Variants in LEMD2 observed in about 807,000 individuals in gnomAD.
LEMD2 encodes LEM domain-containing protein 2.
LEMD2 carries 34 observed loss-of-function variants against 58.8 expected under a neutral mutation model. The observed-to-expected ratio is 0.58, with a 90% confidence interval of 0.44 to 0.77. The LOEUF (loss-of-function observed/expected upper bound fraction) is 0.77. LEMD2 is among the 30% of genes least tolerant of loss of function. LEMD2 has a pLI of 0.00. For missense variants in LEMD2, 629 were observed against 717.9 expected, an observed-to-expected ratio of 0.88 and a Z score of 1.42; for synonymous variants, 298 against 308.9, an observed-to-expected ratio of 0.96 and a Z score of 0.37.
In LEMD2 at chr6:33,772,465, C is replaced by T. The variant is rs760683463; in HGVS notation, c.*163G>A. On this transcript the variant is annotated 3_prime_UTR_variant, in exon 9 of 9. Transcript: ENST00000293760. The stretch of plus-strand genomic sequence containing the variant: ...AGGAAGCCCACATTTTCCTGCGAGC[C>T]GAACTCCTCTGAAGAGTATGGCAGA... 3.3e-5 allele frequency: 20 copies of T among 613,890 alleles called. No individual in the cohort carries two copies. Among genetic ancestry groups the T allele is most frequent in the Non-Finnish European group, 4.9e-5 (18 of 369,428 alleles). 38.0% of individuals were successfully genotyped at this position (613,890 alleles called of 1,614,324 possible). A position where few individuals can be genotyped will look rare whatever the true frequency, so the allele number is the denominator to read the frequency against.
rs1767301167 is a variant in LEMD2 at position 33,771,788 on chromosome 6, G to A, written c.*840C>T. On this transcript the variant is annotated 3_prime_UTR_variant, in exon 9 of 9. Transcript: ENST00000293760. Reference sequence around the variant, plus strand: ...TGTTAAACAGCCCCGCGTCGGGGCTGTGGTCACAGTAAAGCAAGGCGATCT... The same window carrying A: ...TGTTAAACAGCCCCGCGTCGGGGCTATGGTCACAGTAAAGCAAGGCGATCT... The A allele has an allele frequency of 6.6e-6, 1 of 152,242 alleles. No individual in the cohort carries two copies. The highest frequency in any genetic ancestry group is 2.4e-5 in the African/African-American group (1 of 41,476). The allele number at this position is 152,242 out of a possible 1,614,324, so 9.4% of individuals were successfully genotyped here.
rs1393541009 is a variant in LEMD2, at chr6:33,771,877, G to A, written c.*751C>T. On this transcript the variant is annotated 3_prime_UTR_variant, in exon 9 of 9. Transcript: ENST00000293760. ...GGGCTCCCAAGCTCCCGGAATCGGCGTTCTGGCTGCAGGCCTGGTCTAGAG... is the reference window on the plus strand; with the variant it reads ...GGGCTCCCAAGCTCCCGGAATCGGCATTCTGGCTGCAGGCCTGGTCTAGAG... 6.6e-6 allele frequency: 1 copy of A among 152,362 alleles called. No homozygotes were observed. Among genetic ancestry groups the A allele is most frequent in the East Asian group, 1.9e-4 (1 of 5,190 alleles). 9.4% of individuals were successfully genotyped at this position (152,362 alleles called of 1,614,324 possible). A position where few individuals can be genotyped will look rare whatever the true frequency, so the allele number is the denominator to read the frequency against.
Position 33,771,943 on chromosome 6 carries a change from CGCCCTGGGGCT to C in LEMD2, c.*674_*684del, listed in dbSNP as rs1767306313. 1 of 76,316 alleles carries C rather than the reference CGCCCTGGGGCT, an allele frequency of 1.3e-5. No individual in the cohort carries two copies. Among genetic ancestry groups the C allele is most frequent in the East Asian group, 1.9e-3 (1 of 534 alleles). 4.7% of individuals were successfully genotyped at this position (76,316 alleles called of 1,614,324 possible). A position where few individuals can be genotyped will look rare whatever the true frequency, so the allele number is the denominator to read the frequency against. ...GAAGCAACACTGAGGCGGGCCCGCCCGCCCTGGGGCTGCCCGACCCTCCTCTCTGCTCTCAG... is the reference window on the plus strand; with the variant it reads ...GAAGCAACACTGAGGCGGGCCCGCCCGCCCGACCCTCCTCTCTGCTCTCAG... On this transcript the variant is annotated 3_prime_UTR_variant, in exon 9 of 9. Transcript: ENST00000293760.
intron 4 of LEMD2, chr6:33,780,419 G>A (rs970129359): frequency 3.2e-5 from 17 of 530,380 alleles, no homozygotes; most frequent in South Asian, 2.0e-4. Context: ...GGTCTGAGGC[G>A]GCCAAAAGAA....
In LEMD2 at chr6:33,788,829, C is replaced by T. The variant is rs940462644; in HGVS notation, c.288G>A (p.Ser96=). 4.2e-6 allele frequency: 6 copies of T among 1,425,538 alleles called. No homozygotes were observed. In the East Asian group the frequency reaches 1.8e-4, roughly 44 times the overall value. 88.3% of individuals were successfully genotyped at this position (1,425,538 alleles called of 1,614,324 possible). The change falls in exon 1 of 9, where the codon TCG becomes TCA. Residue 96 remains serine, a synonymous_variant. Coordinates refer to ENST00000293760, the MANE Select transcript of LEMD2 (RefSeq NM_181336.4). Reference sequence around the variant, plus strand: ...CGTAGGCCCCAGGGGTCGCGTAGGCCGAGCCCGAGGCCGGCTGGGAGAGCC... The same window carrying T: ...CGTAGGCCCCAGGGGTCGCGTAGGCTGAGCCCGAGGCCGGCTGGGAGAGCC... ...EPWLSQPASG[S]AYATPGAYGD... is the part of the protein sequence containing the mutation.
intron 8 of LEMD2, 128 bp downstream of exon 8, chr6:33,776,826 C>T: frequency 8.2e-6 from 6 of 731,570 alleles, no homozygotes; most frequent in Non-Finnish European, 1.2e-5. Flanking sequence ...AGCAGAGCCA[C>T]TCTTGGCCCT....
At chr6:33,773,594 C>CG (rs10660361) in intron 8 of LEMD2, among the ~76,000 whole-genome samples, 30,336 of 139,102 alleles carry the variant, frequency 0.22, 3,287 homozygotes, top group Admixed American at 0.29. Flanking sequence ...AGTCAGGAGG[C>CG]GGGGGGGGGG....
At chr6:33,788,317 CG>C (rs906000034) in intron 1 of LEMD2, 63 bp downstream of exon 1, 21 of 1,467,350 alleles carry the variant, frequency 1.4e-5, no homozygotes, top group East Asian at 5.4e-5. Flanking sequence ...CCGACAGGAA[CG>C]GGGGGTCCTC....
chr6:33,788,853 C>T lies in LEMD2; in HGVS notation c.264G>A (p.Trp88Ter). ...PAAASPRAEP[W>*]LSQPASGSAY... ...CCGAGCCCGAGGCCGGCTGGGAGAG[C>T]CAGGGCTCCGCCCGCGGAGAGGCCG... Residue 88 changes from tryptophan to a stop codon, truncating the protein, a stop_gained, in exon 1 of 9, where the codon TGG becomes TGA. Coordinates refer to ENST00000293760, the MANE Select transcript of LEMD2 (RefSeq NM_181336.4). LOFTEE classifies it high-confidence loss of function. 1.4e-6 allele frequency: 2 copies of T among 1,392,054 alleles called. No individual in the cohort carries two copies. Among genetic ancestry groups the T allele is most frequent in the Non-Finnish European group, 1.9e-6 (2 of 1,079,574 alleles). The allele number at this position is 1,392,054 out of a possible 1,614,324, so 86.2% of individuals were successfully genotyped here. A position where few individuals can be genotyped will look rare whatever the true frequency, so the allele number is the denominator to read the frequency against.
chr6:33,780,437 C>T, intron 4 of LEMD2: 1 of 507,936 alleles, frequency 2.0e-6, no homozygotes, highest in African/African-American at 1.9e-5. Context: ...GAATATGATT[C>T]TCTCGAGGAT....
At chr6:33,784,477 G>GGCCCCCCC in intron 2 of LEMD2, 50 bp from the exon 3 acceptor site, 1 of 430,806 alleles carries the variant, frequency 2.3e-6, no homozygotes, top group Non-Finnish European at 4.8e-6. Flanking sequence ...GGTGGGAGGG[G>GGCCCCCCC]TCCGTCTGTC....
Position 33,777,231 on chromosome 6 carries a change from A to G in LEMD2, c.1165T>C (p.Phe389Leu). 1.2e-6 allele frequency: 2 copies of G among 1,613,210 alleles called. No homozygotes were observed. Among genetic ancestry groups the G allele is most frequent in the East Asian group, 4.5e-5 (2 of 44,874 alleles). The change falls in exon 7 of 9, where the codon TTT (phenylalanine) becomes CTT (leucine). Residue 389 changes from phenylalanine to leucine, a missense_variant. Phe to Leu is a conservative substitution (Grantham distance 22). Transcript: ENST00000293760. Reference sequence around the variant, plus strand: ...AGGAGAATTAGGAGCCCCCACAAAAAAGCCAAGCCTGTGAGGGAACAAAAC... The same window carrying G: ...AGGAGAATTAGGAGCCCCCACAAAAGAGCCAAGCCTGTGAGGGAACAAAAC... Reference protein sequence around the residue: ...NVLIFFWCLAFLWGLLILLKY... With the variant: ...NVLIFFWCLALLWGLLILLKY...
Position 33,788,409 on chromosome 6 carries a change from G to A in LEMD2, c.708C>T (p.Pro236=), listed in dbSNP as rs1424231739. 6.3e-7 allele frequency: 1 copy of A among 1,584,514 alleles called. No homozygotes were observed. The highest frequency in any genetic ancestry group is 2.3e-5 in the East Asian group (1 of 43,090). The change falls in exon 1 of 9, where the codon CCC becomes CCT. Residue 236 remains proline, a synonymous_variant. Coordinates refer to ENST00000293760, the MANE Select transcript of LEMD2 (RefSeq NM_181336.4). ...TGTCCTCCGCCTCCTGCGGCGCTGA[G>A]GGCTTGCCCATCTTCACCCAAAGGA... ...LGILWVKMGK[P]SAPQEAEDNM...
chr6:33,780,372 G>A, intron 4 of LEMD2, 193 bp from the exon 5 acceptor site: 1 of 615,010 alleles, frequency 1.6e-6, no homozygotes, highest in South Asian at 1.8e-5. Context: ...TATAACCAGA[G>A]GAGGTGATGC....
In LEMD2 at chr6:33,778,980, CCTT is replaced by C. The variant is rs1767503070; in HGVS notation, c.1011-596_1011-594del. ...ACCTGCAGAGGTGGGGACACCAGAG[CCTT>C]CTTCCAGCTAGGTGACCCAGGGCGA... is the stretch of plus-strand genomic sequence containing the variant. On this transcript the variant is annotated intron_variant, in intron 5 of 8. Transcript: ENST00000293760. This position sits in a 1 kb window ranked among gnomAD's most constrained non-coding sequence, Gnocchi z 4.7. 1 of 152,198 alleles carries C rather than the reference CCTT, an allele frequency of 6.6e-6. No individual in the cohort carries two copies. The highest frequency in any genetic ancestry group is 2.4e-5 in the African/African-American group (1 of 41,422). The allele number at this position is 152,198 out of a possible 1,614,324, so 9.4% of individuals were successfully genotyped here.
Position 33,771,786 on chromosome 6 carries a change from C to A in LEMD2, c.*842G>T, listed in dbSNP as rs887470739. 1 of 152,246 alleles carries A rather than the reference C, an allele frequency of 6.6e-6. No homozygotes were observed. Among genetic ancestry groups the A allele is most frequent in the African/African-American group, 2.4e-5 (1 of 41,476 alleles). The allele number at this position is 152,246 out of a possible 1,614,324, so 9.4% of individuals were successfully genotyped here. ...CTTGTTAAACAGCCCCGCGTCGGGGCTGTGGTCACAGTAAAGCAAGGCGAT... is the reference window on the plus strand; with the variant it reads ...CTTGTTAAACAGCCCCGCGTCGGGGATGTGGTCACAGTAAAGCAAGGCGAT... On this transcript the variant is annotated 3_prime_UTR_variant, in exon 9 of 9. Coordinates refer to ENST00000293760, the MANE Select transcript of LEMD2 (RefSeq NM_181336.4).
intron 2 of LEMD2, chr6:33,784,772 C>T (rs573286275): frequency 1.2e-4 from 24 of 208,308 alleles, no homozygotes; most frequent in African/African-American, 5.2e-4. Context: ...ATGATGCAGT[C>T]GCTCAGCTTC....
At position 33,788,881 on chromosome 6, in the gene LEMD2, G is replaced by A. The variant is rs1767753450; in HGVS notation, c.236C>T (p.Ala79Val). The change falls in exon 1 of 9, where the codon GCC becomes GTC. Residue 79 changes from alanine (A) to valine (V), a missense_variant. Physicochemically the swap from Ala to Val is moderately conservative, Grantham distance 64. This residue lies in a region of LEMD2 where 386 missense variants were observed against 381.1 expected (regional missense o/e 1.01). Coordinates refer to ENST00000293760, the MANE Select transcript of LEMD2 (RefSeq NM_181336.4). Reference protein sequence around the residue: ...REDAPLRARPAAASPRAEPWL... With the variant: ...REDAPLRARPVAASPRAEPWL... ...GGGCTCCGCCCGCGGAGAGGCCGCG[G>A]CGGGCCGGGCGCGCAGCGGCGCATC... is the stretch of plus-strand genomic sequence containing the variant. 2 of 1,375,014 alleles carry A rather than the reference G, an allele frequency of 1.5e-6. No individual in the cohort carries two copies. Among genetic ancestry groups the A allele is most frequent in the Non-Finnish European group, 1.9e-6 (2 of 1,073,104 alleles). The allele number at this position is 1,375,014 out of a possible 1,614,324, so 85.2% of individuals were successfully genotyped here. A position where few individuals can be genotyped will look rare whatever the true frequency, so the allele number is the denominator to read the frequency against.
chr6:33,789,098 G>C lies in LEMD2; in HGVS notation c.19C>G (p.Leu7Val), dbSNP rs767247035. 6 of 1,537,384 alleles carry C rather than the reference G, an allele frequency of 3.9e-6. No individual in the cohort carries two copies. In the East Asian group the frequency reaches 1.6e-4, roughly 41 times the overall value. Residue 7 changes from leucine to valine, a missense_variant, in exon 1 of 9, where the codon CTG becomes GTG. Physicochemically the swap from Leu to Val is conservative, Grantham distance 32. This residue lies in a region of LEMD2 where 386 missense variants were observed against 381.1 expected (regional missense o/e 1.01). Transcript: ENST00000293760. MAGLSD[L>V]ELRRELQALG... ...GCCTGCAGCTCCCGCCGCAGTTCCA[G>C]GTCCGACAGGCCGGCCATGGCCAGG...
Sources: gnomAD v4.1 joint callset for allele counts (sites outside exome capture counted in the v4.1 genomes callset) on GRCh38, gnomAD v4.1.1 for gene constraint, gnomAD v4.1.1 regional missense constraint, Gnocchi (gnomAD v3.1) non-coding constraint, MANE v1.5 for transcripts, NCBI Gene and HGNC (gene_info 2026-07-23, HGNC 2026-07-21) for gene names.